PIGZ: variants seen among roughly 807,000 people sequenced by gnomAD.
The protein encoded by PIGZ is GPI alpha-1,2-mannosyltransferase 4.
PIGZ carries 16 observed loss-of-function variants against 16.4 expected under a neutral mutation model. The ratio of observed to expected loss-of-function variants is 0.97; its 90% CI spans 0.66 to 1.48. The LOEUF is 1.48. PIGZ is among the 40% of genes most tolerant of loss of function. The pLI is 0.00. For synonymous variants in PIGZ, 409 were observed against 338.4 expected, an observed-to-expected ratio of 1.21 and a Z score of -2.29; for missense variants, 770 against 739.2, an observed-to-expected ratio of 1.04 and a Z score of -0.48.
chr3:196,960,764 A>AAAGAAAGAAAGAAAGAAAGAAAGG (rs1553839867), intron 1 of PIGZ, among the ~76,000 whole-genome samples: 1 of 146,608 alleles, frequency 6.8e-6, no homozygotes, highest in South Asian at 2.2e-4. Context: ...AGAAAGAAAG[A>AAAGAAAGAAAGAAAGAAAGAAAGG]AAAGAAAACA....
At chr3:196,959,435 T>C (rs1205250666) in intron 1 of PIGZ, among the ~76,000 whole-genome samples, 1 of 152,216 alleles carries the variant, frequency 6.6e-6, no homozygotes, top group Non-Finnish European at 1.5e-5. Context: ...TATGACCATC[T>C]TTCCATATAT....
intron 2 of PIGZ, among the ~76,000 whole-genome samples, chr3:196,949,855 C>T (rs1378677508): frequency 6.6e-6 from 1 of 152,040 alleles, no homozygotes; most frequent in Non-Finnish European, 1.5e-5. Context: ...CTTGTCCTTA[C>T]ACCTGTCAAG....
chr3:196,952,816 G>A (rs757234827), intron 1 of PIGZ, among the ~76,000 whole-genome samples: 2 of 152,162 alleles, frequency 1.3e-5, no homozygotes, highest in Non-Finnish European at 2.9e-5. Context: ...TTGAGGGTCT[G>A]AATAAAACAG....
rs1026616866 is a variant in PIGZ at position 196,947,760 on chromosome 3, G to A, written c.1137C>T (p.Ala379=). The A allele has an allele frequency of 5.6e-6, 9 of 1,611,904 alleles. No homozygotes were observed. Among genetic ancestry groups the A allele is most frequent in the South Asian group, 2.2e-5 (2 of 90,734 alleles). The change falls in exon 3 of 3, where the codon GCC becomes GCT. Residue 379 remains alanine (A), a synonymous_variant. Coordinates refer to ENST00000412723, the MANE Select transcript of PIGZ (RefSeq NM_025163.4). ...YLLLLYFMPL[A]LLSAFSHQEA... ...CCTGGTGGCTAAAGGCAGATAGCAGGGCCAGAGGCATGAAGTAGAGGAGAA... is the reference window on the plus strand; with the variant it reads ...CCTGGTGGCTAAAGGCAGATAGCAGAGCCAGAGGCATGAAGTAGAGGAGAA...
Position 196,948,978 on chromosome 3 carries a change from C to T in PIGZ, c.212-293G>A, listed in dbSNP as rs185558183. On this transcript the variant is annotated intron_variant, in intron 2 of 2. Coordinates refer to ENST00000412723, the MANE Select transcript of PIGZ (RefSeq NM_025163.4). The stretch of plus-strand genomic sequence containing the variant: ...CCTCCCTTCCTTCCCTTCCCCTCCC[C>T]TCCCTTCCCTTCCTTCCCTTTACTT... Among the ~76,000 whole-genome samples, 2 of 41,684 alleles carry T rather than the reference C, an allele frequency of 4.8e-5. 1 individual carries two copies. Among genetic ancestry groups the T allele is most frequent in the Non-Finnish European group, 7.5e-5 (2 of 26,494 alleles). The allele number at this position is 41,684 out of a possible 152,430, so 27.3% of individuals were successfully genotyped here. A position where few individuals can be genotyped will look rare whatever the true frequency, so the allele number is the denominator to read the frequency against.
intron 2 of PIGZ, among the ~76,000 whole-genome samples, 171 bp from the exon 3 acceptor site, chr3:196,948,856 T>C (rs1234302808): frequency 4.3e-5 from 5 of 116,282 alleles, no homozygotes; most frequent in African/African-American, 1.6e-4. Flanking sequence ...CCTCCTTCTT[T>C]CCCTTCCTTC....
Position 196,953,765 on chromosome 3 carries a change from CTGAGA to C in PIGZ, c.1-1739_1-1735del, listed in dbSNP as rs550619276. 3.7e-3 allele frequency among the ~76,000 whole-genome samples: 556 copies of C among 152,274 alleles called. 5 individuals are homozygous for C. Among genetic ancestry groups the C allele is most frequent in the Admixed American group, 0.026 (398 of 15,292 alleles). ...CCTATAATCCCAGAACTTTGGGAGG[CTGAGA>C]TGAAAGGATCGCTTGAAACCAGGAG... On this transcript the variant is annotated intron_variant, in intron 1 of 2. Transcript: ENST00000412723.
chr3:196,956,405 C>T (rs114217380), intron 1 of PIGZ, among the ~76,000 whole-genome samples: 2,436 of 152,192 alleles, frequency 0.016, 76 homozygotes, highest in African/African-American at 0.056. Context: ...GCGAATGAGA[C>T]GCAAGCAAAG....
chr3:196,952,005 T>A lies in PIGZ; in HGVS notation c.27A>T (p.Ala9=), dbSNP rs1191208286. 6.2e-7 allele frequency: 1 copy of A among 1,614,150 alleles called. No homozygotes were observed. Among genetic ancestry groups the A allele is most frequent in the Non-Finnish European group, 8.5e-7 (1 of 1,180,006 alleles). The change falls in exon 2 of 3, where the codon GCA becomes GCT. Residue 9 remains alanine, a synonymous_variant. Coordinates refer to ENST00000412723, the MANE Select transcript of PIGZ (RefSeq NM_025163.4). MQICGSSV[A]SVAAGTSFQV... is the part of the protein sequence containing the mutation. Reference sequence around the variant, plus strand: ...GGAATGATGTCCCAGCTGCTACAGATGCTACGCTGGATCCACAGATCTGCA... The same window carrying A: ...GGAATGATGTCCCAGCTGCTACAGAAGCTACGCTGGATCCACAGATCTGCA...
rs550428789 is a variant in PIGZ, at chr3:196,949,316, A to G, written c.212-631T>C. Among the ~76,000 whole-genome samples, 223 of 152,166 alleles carry G rather than the reference A, an allele frequency of 1.5e-3. 1 individual carries two copies. The highest frequency in any genetic ancestry group is 5.0e-3 in the African/African-American group (209 of 41,518). On this transcript the variant is annotated intron_variant, in intron 2 of 2. Coordinates refer to ENST00000412723, the MANE Select transcript of PIGZ (RefSeq NM_025163.4). Reference sequence around the variant, plus strand: ...GAGACTATGCAGTGGGCCGGACCTAATCACAACAATCTTTTAATAACAGAG... The same window carrying G: ...GAGACTATGCAGTGGGCCGGACCTAGTCACAACAATCTTTTAATAACAGAG...
rs545908206 is a variant in PIGZ at position 196,951,762 on chromosome 3, G to A, written c.211+59C>T. 5.5e-5 allele frequency: 85 copies of A among 1,555,006 alleles called. No homozygotes were observed. In the African/African-American group the frequency reaches 6.1e-4, roughly 11 times the overall value. On this transcript the variant is annotated intron_variant, in intron 2 of 2. Coordinates refer to ENST00000412723, the MANE Select transcript of PIGZ (RefSeq NM_025163.4). ...CTACTCCCTCCCCACAAAGTCTCCC[G>A]TCAGCTTCTCAAGCAGACTCTGCTG... is the stretch of plus-strand genomic sequence containing the variant.
intron 2 of PIGZ, chr3:196,951,474 G>T (rs973165303): frequency 5.9e-6 from 2 of 338,152 alleles, no homozygotes; most frequent in Non-Finnish European, 1.1e-5. Context: ...ACAGCCCTAT[G>T]GAAGCTCTTG....
chr3:196,947,424 C>T lies in PIGZ; in HGVS notation c.1473G>A (p.Glu491=), dbSNP rs768338887. The change falls in exon 3 of 3, where the codon GAG becomes GAA. Residue 491 remains glutamate (E), a synonymous_variant. Transcript: ENST00000412723. The part of the protein sequence containing the change: ...PVEVVDMGGT[E]DWALCQTLKS... Reference sequence around the variant, plus strand: ...TCAGGGTTTGGCACAGGGCCCAGTCCTCAGTCCCCCCCATGTCCACCACCT... The same window carrying T: ...TCAGGGTTTGGCACAGGGCCCAGTCTTCAGTCCCCCCCATGTCCACCACCT... 1 of 1,613,862 alleles carries T rather than the reference C, an allele frequency of 6.2e-7. No individual in the cohort carries two copies. Among genetic ancestry groups the T allele is most frequent in the Non-Finnish European group, 8.5e-7 (1 of 1,180,040 alleles).
At chr3:196,948,751 G>T in intron 2 of PIGZ, 66 bp from the exon 3 acceptor site, 1 of 1,232,838 alleles carries the variant, frequency 8.1e-7, no homozygotes, top group Non-Finnish European at 1.1e-6. Flanking sequence ...ATTCTAGGAG[G>T]GCACCCCACA....
chr3:196,955,203 T>C (rs1386690359), intron 1 of PIGZ, among the ~76,000 whole-genome samples: 2 of 152,198 alleles, frequency 1.3e-5, no homozygotes, highest in Admixed American at 6.5e-5. Flanking sequence ...TCGGATTACA[T>C]GCATGAGCCA....
At position 196,965,686 on chromosome 3, in the gene PIGZ, G is replaced by A. The variant is rs1193574290; in HGVS notation, c.-1+3001C>T. 1.3e-5 allele frequency among the ~76,000 whole-genome samples: 2 copies of A among 152,168 alleles called. No homozygotes were observed. The highest frequency in any genetic ancestry group is 2.9e-5 in the Non-Finnish European group (2 of 68,036). On this transcript the variant is annotated intron_variant, in intron 1 of 2. Coordinates refer to ENST00000412723, the MANE Select transcript of PIGZ (RefSeq NM_025163.4). This position sits in a 1 kb window ranked among gnomAD's most constrained non-coding sequence, Gnocchi z 4.2. Reference sequence around the variant, plus strand: ...ATGTACCTGGGATTTCTTAGCCTTAGGGGTGGCTGGCTGTGCAGAATCTTT... The same window carrying A: ...ATGTACCTGGGATTTCTTAGCCTTAAGGGTGGCTGGCTGTGCAGAATCTTT...
rs1299589860 is a variant in PIGZ, at chr3:196,965,359, C to A, written c.-1+3328G>T. On this transcript the variant is annotated intron_variant, in intron 1 of 2. Coordinates refer to ENST00000412723, the MANE Select transcript of PIGZ (RefSeq NM_025163.4). This position sits in a 1 kb window ranked among gnomAD's most constrained non-coding sequence, Gnocchi z 4.2. ...GGAACCATCAGATCTCATGAGAACT[C>A]CCTAACTATCCGAAGAACAGCGTGG... Among the ~76,000 whole-genome samples, 1 of 152,086 alleles carries A rather than the reference C, an allele frequency of 6.6e-6. No individual in the cohort carries two copies. The highest frequency in any genetic ancestry group is 1.5e-5 in the Non-Finnish European group (1 of 68,016).
chr3:196,961,490 T>A (rs960450865), intron 1 of PIGZ, among the ~76,000 whole-genome samples: 17 of 152,298 alleles, frequency 1.1e-4, no homozygotes, highest in Admixed American at 9.2e-4. Context: ...ACCCCTGTAG[T>A]CCCAGCTCCT....
At chr3:196,959,240 C>T (rs1480994391) in intron 1 of PIGZ, among the ~76,000 whole-genome samples, 4 of 152,216 alleles carry the variant, frequency 2.6e-5, no homozygotes, top group Admixed American at 6.5e-5. Flanking sequence ...CCTGCCCAAG[C>T]CTGTGCCATT....
Sources: allele counts gnomAD v4.1 joint callset (sites outside exome capture counted in the v4.1 genomes callset), GRCh38; gene constraint gnomAD v4.1.1; non-coding constraint Gnocchi (gnomAD v3.1); transcripts MANE v1.5; gene names NCBI Gene and HGNC (gene_info 2026-07-23, HGNC 2026-07-21).